Variants in NOTUM observed in about 807,000 individuals in gnomAD.
NOTUM encodes notum, palmitoleoyl-protein carboxylesterase.
NOTUM carries 36 observed loss-of-function variants against 65.5 expected under a neutral mutation model. The observed-to-expected ratio is 0.55, with a 90% confidence interval of 0.42 to 0.73. The LOEUF is 0.73. NOTUM is among the 30% of genes least tolerant of loss of function. The probability of loss-of-function intolerance (pLI) is 0.00; values close to 1 mark genes in which losing one functional copy is unlikely to be tolerated. For synonymous variants in NOTUM, 356 were observed against 297.9 expected (o/e 1.20, Z -2.01); for missense variants, 659 against 694.2 (o/e 0.95, Z 0.57).
chr17:81,953,772 C>CTTTTT (rs35740276), intron 10 of NOTUM, among the ~76,000 whole-genome samples: 8 of 141,548 alleles, frequency 5.7e-5, no homozygotes, highest in Non-Finnish European at 6.1e-5. Context: ...CAGCCTGAGT[C>CTTTTT]TTTTTTTTTT....
intron 10 of NOTUM, 74 bp downstream of exon 10, chr17:81,954,182 A>C (rs2041410356): frequency 9.1e-7 from 1 of 1,100,006 alleles, no homozygotes; most frequent in South Asian, 1.3e-5. Context: ...TGGGAGGCCA[A>C]GTGCGGTTGG....
chr17:81,960,003 C>A lies in NOTUM; in HGVS notation c.324-311G>T, dbSNP rs1469233661. 6.6e-6 allele frequency among the ~76,000 whole-genome samples: 1 copy of A among 151,948 alleles called. No individual in the cohort carries two copies. Among genetic ancestry groups the A allele is most frequent in the Non-Finnish European group, 1.5e-5 (1 of 67,944 alleles). On this transcript the variant is annotated intron_variant, in intron 1 of 10. Transcript: ENST00000409678. This position sits in a 1 kb window ranked among gnomAD's most constrained non-coding sequence, Gnocchi z 6.4. ...CCGGGGCGCGCGGCGGCGCTTGAAG[C>A]GTGAAACGCGTCCGCACTGAAGGAG...
chr17:81,958,181 C>A (rs992697102), intron 5 of NOTUM, among the ~76,000 whole-genome samples, 154 bp downstream of exon 5: 1 of 152,176 alleles, frequency 6.6e-6, no homozygotes, highest in African/African-American at 2.4e-5. Flanking sequence ...GACATACTGT[C>A]AAGGGCTTTG....
intron 3 of NOTUM, 55 bp downstream of exon 3, chr17:81,959,416 G>T: frequency 7.4e-7 from 1 of 1,357,134 alleles, no homozygotes; most frequent in Non-Finnish European, 1.0e-6. Context: ...GGAGGCGGGC[G>T]CGGCTTCCTC....
In NOTUM at chr17:81,953,095, G is replaced by C. The variant is rs746437719; in HGVS notation, c.1357C>G (p.Arg453Gly). ...PHCNPSCPTV[R>G]DQFTGQEMNV... ...ATCTCTTGCCCCGTGAACTGGTCTC[G>C]GACGGTGGGGCATGAGGGGTTGCAG... The change falls in exon 11 of 11, where the codon CGA (arginine) becomes GGA (glycine). Residue 453 changes from arginine (R) to glycine (G), a missense_variant. Transcript: ENST00000409678. The C allele has an allele frequency of 6.2e-7, 1 of 1,613,958 alleles. No homozygotes were observed. Among genetic ancestry groups the C allele is most frequent in the Non-Finnish European group, 8.5e-7 (1 of 1,179,906 alleles).
intron 1 of NOTUM, chr17:81,959,947 C>A: frequency 5.7e-6 from 1 of 175,284 alleles, no homozygotes; most frequent in Non-Finnish European, 1.2e-5. Context: ...GCGCGGGTCC[C>A]GCTGTCACCT....
chr17:81,959,462 G>A lies in NOTUM; in HGVS notation c.472+9C>T, dbSNP rs776349917. ...CGTCGAGACGCCTTCCCCAGGGCCC[G>A]CCGCTGACCTGTGCGAGTGCGCGGC... On this transcript the variant is annotated intron_variant, in intron 3 of 10. Transcript: ENST00000409678. 57 of 1,542,650 alleles carry A rather than the reference G, an allele frequency of 3.7e-5. No individual in the cohort carries two copies. The South Asian group carries it at 5.1e-4, about 14-fold the overall frequency.
intron 5 of NOTUM, 106 bp downstream of exon 5, chr17:81,958,229 A>C (rs1598368730): frequency 3.9e-6 from 3 of 766,992 alleles, no homozygotes; most frequent in Non-Finnish European, 6.8e-6. Flanking sequence ...TTTCCCCAGA[A>C]CCCCTGCCGT....
At position 81,956,954 on chromosome 17, in the gene NOTUM, C is replaced by T. The variant is rs780726135; in HGVS notation, c.816G>A (p.Lys272=). ...LADSGWFLDN[K]QYRHTDCVDT... ...CGACGCAGTCTGTGTGGCGATACTGCTTGTTGTCCAGGAACCAGCCGGAGT... is the reference window on the plus strand; with the variant it reads ...CGACGCAGTCTGTGTGGCGATACTGTTTGTTGTCCAGGAACCAGCCGGAGT... Residue 272 remains lysine (K), a synonymous_variant, in exon 7 of 11, where the codon AAG becomes AAA. Transcript: ENST00000409678. 3 of 1,613,448 alleles carry T rather than the reference C, an allele frequency of 1.9e-6. No individual in the cohort carries two copies. Among genetic ancestry groups the T allele is most frequent in the Admixed American group, 3.3e-5 (2 of 60,016 alleles).
At chr17:81,958,831 C>T (rs1001845713) in intron 4 of NOTUM, 104 bp downstream of exon 4, 11 of 852,350 alleles carry the variant, frequency 1.3e-5, no homozygotes, top group African/African-American at 1.2e-4. Flanking sequence ...CAGAACAGGA[C>T]CCCCAGGAAA....
At position 81,956,682 on chromosome 17, in the gene NOTUM, A is replaced by C. The variant is rs2041435790; in HGVS notation, c.956T>G (p.Phe319Cys). The change falls in exon 8 of 11, where the codon TTC becomes TGC. Residue 319 changes from phenylalanine (F) to cysteine (C), a missense_variant. Transcript: ENST00000409678. The stretch of plus-strand genomic sequence containing the variant: ...GGTCGGGTAGACCTTGTAGCCAAAG[A>C]AGCAGTTCCACTCCTCGCCCTCCTG... ...QFQEGEEWNCFFGYKVYPTLR... is the reference protein window; with the variant it reads ...QFQEGEEWNCCFGYKVYPTLR... The C allele has an allele frequency of 6.2e-7, 1 of 1,612,912 alleles. No individual in the cohort carries two copies. The highest frequency in any genetic ancestry group is 8.5e-7 in the Non-Finnish European group (1 of 1,179,776).
chr17:81,959,333 G>T (rs1347454811), intron 3 of NOTUM, 138 bp downstream of exon 3: 1 of 665,848 alleles, frequency 1.5e-6, no homozygotes, highest in Non-Finnish European at 2.5e-6. Flanking sequence ...AGTGAAGGGC[G>T]CCCCTTGCTC....
At chr17:81,959,963 C>T (rs1383822466) in intron 1 of NOTUM, among the ~76,000 whole-genome samples, 1 of 151,706 alleles carries the variant, frequency 6.6e-6, no homozygotes, top group East Asian at 1.9e-4. Context: ...CACCTCGGCG[C>T]GGGCGGCGGT....
chr17:81,959,767 G>C, intron 1 of NOTUM, 75 bp from the exon 2 acceptor site: 1 of 923,656 alleles, frequency 1.1e-6, no homozygotes, highest in South Asian at 3.7e-5. Flanking sequence ...CAGCTCCGGC[G>C]GAGGGAACGC....
chr17:81,960,818 T>G lies in NOTUM; in HGVS notation c.92A>C (p.Gln31Pro). Residue 31 changes from glutamine to proline, a missense_variant, in exon 1 of 11, where the codon CAG (glutamine) becomes CCG (proline). Transcript: ENST00000409678. This position sits in a 1 kb window ranked among gnomAD's most constrained non-coding sequence, Gnocchi z 6.4. The part of the protein sequence containing the change: ...EGRKTWRRRG[Q>P]QPPPPPRTEA... Reference sequence around the variant, plus strand: ...GGTCCGCGGGGGAGGAGGCGGCTGCTGACCCCGGCGCCGCCAGGTCTTCCT... The same window carrying G: ...GGTCCGCGGGGGAGGAGGCGGCTGCGGACCCCGGCGCCGCCAGGTCTTCCT... The G allele has an allele frequency of 1.3e-6, 2 of 1,531,616 alleles. No homozygotes were observed. The highest frequency in any genetic ancestry group is 2.4e-5 in the South Asian group (2 of 83,480). 94.9% of individuals were successfully genotyped at this position (1,531,616 alleles called of 1,614,324 possible).
chr17:81,954,474 C>T (rs1598367039), intron 9 of NOTUM, among the ~76,000 whole-genome samples, 171 bp from the exon 10 acceptor site: 1 of 152,230 alleles, frequency 6.6e-6, no homozygotes, highest in African/African-American at 2.4e-5. Context: ...CCGGCTGACC[C>T]TTATCGCTTT....
Position 81,956,893 on chromosome 17 carries a change from G to A in NOTUM, c.877C>T (p.Arg293Cys), listed in dbSNP as rs754280791. The A allele has an allele frequency of 5.0e-6, 8 of 1,609,844 alleles. No individual in the cohort carries two copies. Among genetic ancestry groups the A allele is most frequent in the South Asian group, 3.3e-5 (3 of 91,008 alleles). ...ITCAPTEAIRRGIRYWNGVVP... is the reference protein window; with the variant it reads ...ITCAPTEAIRCGIRYWNGVVP... ...TCCCCGCTGCGGCACCTGATGCCAC[G>A]GCGGATGGCCTCCGTGGGCGCGCAC... Residue 293 changes from arginine (R) to cysteine (C), a missense_variant, in exon 7 of 11, where the codon CGT (arginine) becomes TGT (cysteine). Transcript: ENST00000409678.
chr17:81,957,767 C>T (rs2041444292), intron 6 of NOTUM, 39 bp downstream of exon 6: 3 of 1,414,730 alleles, frequency 2.1e-6, no homozygotes, highest in South Asian at 1.2e-5. Flanking sequence ...TGCACACCGT[C>T]CTCACCCCTC....
rs748163216 is a variant in NOTUM at position 81,960,711 on chromosome 17, T to C, written c.199A>G (p.Met67Val). The C allele has an allele frequency of 3.1e-6, 5 of 1,604,364 alleles. No homozygotes were observed. Among genetic ancestry groups the C allele is most frequent in the Non-Finnish European group, 1.7e-6 (2 of 1,176,158 alleles). Reference sequence around the variant, plus strand: ...TGCGCCAGGCTCTTGACTTGCGCCATGAAGCTGTCCATGTTACCCTCCACG... The same window carrying C: ...TGCGCCAGGCTCTTGACTTGCGCCACGAAGCTGTCCATGTTACCCTCCACG... The part of the protein sequence containing the change: ...TAVEGNMDSF[M>V]AQVKSLAQSL... Residue 67 changes from methionine to valine, a missense_variant, in exon 1 of 11, where the codon ATG becomes GTG. Coordinates refer to ENST00000409678, the MANE Select transcript of NOTUM (RefSeq NM_178493.6). This position sits in a 1 kb window ranked among gnomAD's most constrained non-coding sequence, Gnocchi z 6.4.
Sources: gnomAD v4.1 joint callset for allele counts (sites outside exome capture counted in the v4.1 genomes callset) on GRCh38, gnomAD v4.1.1 for gene constraint, Gnocchi (gnomAD v3.1) non-coding constraint, MANE v1.5 for transcripts, NCBI Gene and HGNC (gene_info 2026-07-23, HGNC 2026-07-21) for gene names.